Variants in GRIK2 observed in about 807,000 individuals in gnomAD.
GRIK2 encodes the protein glutamate ionotropic receptor kainate type subunit 2.
A neutral mutation model predicts 100.3 loss-of-function variants in GRIK2; 32 were observed. The ratio of observed to expected loss-of-function variants is 0.32; its 90% CI spans 0.24 to 0.43. The LOEUF is 0.43. Ranked by LOEUF, GRIK2 falls within the 20% of genes least tolerant of loss-of-function variation. The pLI, the probability that GRIK2 is intolerant of heterozygous loss-of-function variation, is 1.00. For synonymous variants in GRIK2, 417 were observed against 389.4 expected (o/e 1.07, Z -0.83); for missense variants, 843 against 1,114.9 (o/e 0.76, Z 3.47).
chr6:101,828,789 A>G (rs1225037165), intron 10 of GRIK2, among the ~76,000 whole-genome samples: 1 of 151,916 alleles, frequency 6.6e-6, no homozygotes, highest in East Asian at 1.9e-4. Flanking sequence ...GATCAACCCA[A>G]AAAGCTGTGG....
chr6:102,005,146 T>C (rs1795144582), intron 14 of GRIK2, among the ~76,000 whole-genome samples: 1 of 151,198 alleles, frequency 6.6e-6, no homozygotes, highest in South Asian at 2.1e-4. Flanking sequence ...GCAGTATATA[T>C]ATTATGTATA....
intron 2 of GRIK2, among the ~76,000 whole-genome samples, chr6:101,461,276 G>A (rs1771293948): frequency 6.6e-6 from 1 of 152,088 alleles, no homozygotes; most frequent in South Asian, 2.1e-4. Context: ...GTCTCACAGG[G>A]GTAAAATTAA....
chr6:101,415,168 T>G (rs1322273892), intron 2 of GRIK2, among the ~76,000 whole-genome samples: 2 of 152,090 alleles, frequency 1.3e-5, no homozygotes, highest in African/African-American at 4.8e-5. Context: ...ACAAATATTT[T>G]GGTTGATTTA....
At position 101,706,256 on chromosome 6, in the gene GRIK2, G is replaced by T. The variant is rs142726666; in HGVS notation, c.951+19903G>T. Among the ~76,000 whole-genome samples the T allele has an allele frequency of 2.4e-3, 359 of 151,876 alleles. 2 individuals are homozygous for T. Among genetic ancestry groups the T allele is most frequent in the African/African-American group, 8.2e-3 (340 of 41,470 alleles). On this transcript the variant is annotated intron_variant, in intron 7 of 16. Transcript: ENST00000369134. Reference sequence around the variant, plus strand: ...TAGTTTAAAAAAATTAAACCTTTTTGAATATGCTAGAGAATATTAACCAAT... The same window carrying T: ...TAGTTTAAAAAAATTAAACCTTTTTTAATATGCTAGAGAATATTAACCAAT...
At chr6:101,509,887 C>G (rs1774213009) in intron 2 of GRIK2, among the ~76,000 whole-genome samples, 2 of 152,034 alleles carry the variant, frequency 1.3e-5, no homozygotes. Flanking sequence ...CAGTCTCTTC[C>G]TCTCATCTAT....
chr6:101,583,047 A>G, intron 2 of GRIK2, among the ~76,000 whole-genome samples: 1 of 152,158 alleles, frequency 6.6e-6, no homozygotes, highest in Non-Finnish European at 1.5e-5. Flanking sequence ...GGCAAGGCCA[A>G]GGGAGGCATA....
chr6:101,524,866 G>T (rs1056723854), intron 2 of GRIK2, among the ~76,000 whole-genome samples: 1 of 151,870 alleles, frequency 6.6e-6, no homozygotes, highest in Non-Finnish European at 1.5e-5. Flanking sequence ...CGAGTAGCTG[G>T]GATTACAGGC....
chr6:101,794,037 G>C (rs151009893), intron 7 of GRIK2, among the ~76,000 whole-genome samples: 2 of 152,174 alleles, frequency 1.3e-5, no homozygotes, highest in South Asian at 4.1e-4. Flanking sequence ...TAATCTCCTG[G>C]TGCGCCATTT....
intron 1 of GRIK2, among the ~76,000 whole-genome samples, chr6:101,394,721 T>C (rs571173079): frequency 5.9e-5 from 9 of 152,336 alleles, no homozygotes; most frequent in Non-Finnish European, 1.0e-4. Context: ...TATTTCAATC[T>C]TGATTTGTCT....
intron 2 of GRIK2, among the ~76,000 whole-genome samples, chr6:101,443,468 A>G (rs1477573590): frequency 2.0e-5 from 3 of 152,164 alleles, no homozygotes; most frequent in African/African-American, 7.2e-5. Context: ...CAGTATTGTG[A>G]TGATTCATCA....
rs1793414272 is a variant in GRIK2, at chr6:101,976,911, G to C, written c.2085+48279G>C. ...CTTACTGAAGAGTGGGGGAATAGTG[G>C]AATAGTGGAATAGTGGAATGGAGGA... On this transcript the variant is annotated intron_variant, in intron 14 of 16. Coordinates refer to ENST00000369134, the MANE Select transcript of GRIK2 (RefSeq NM_021956.5). Among the ~76,000 whole-genome samples the C allele has an allele frequency of 2.0e-5, 3 of 151,928 alleles. No individual in the cohort carries two copies. The South Asian group carries it at 6.2e-4, about 32-fold the overall frequency.
At chr6:101,419,967 A>T (rs760230807) in intron 2 of GRIK2, among the ~76,000 whole-genome samples, 1 of 152,202 alleles carries the variant, frequency 6.6e-6, no homozygotes, top group East Asian at 1.9e-4. Flanking sequence ...TTCATCCCCA[A>T]ATAAAACACA....
At chr6:101,867,715 C>T (rs1277928505) in intron 11 of GRIK2, among the ~76,000 whole-genome samples, 2 of 151,292 alleles carry the variant, frequency 1.3e-5, no homozygotes, top group African/African-American at 4.9e-5. Flanking sequence ...TAAAGAATGT[C>T]TTCTCATGCA....
chr6:101,760,076 A>G (rs996502273), intron 7 of GRIK2, among the ~76,000 whole-genome samples: 2 of 143,874 alleles, frequency 1.4e-5, no homozygotes, highest in African/African-American at 5.3e-5. Context: ...TCACCTTGTT[A>G]GCCAGGATGG....
chr6:101,615,411 A>C (rs1779845656), intron 2 of GRIK2, among the ~76,000 whole-genome samples: 1 of 151,782 alleles, frequency 6.6e-6, no homozygotes, highest in South Asian at 2.1e-4. Context: ...ATTAGATGAT[A>C]ACTACACAGG....
At chr6:101,860,060 T>C (rs1467520271) in intron 11 of GRIK2, among the ~76,000 whole-genome samples, 1 of 152,116 alleles carries the variant, frequency 6.6e-6, no homozygotes, top group Non-Finnish European at 1.5e-5. Context: ...ACCTTCTTAT[T>C]CTCCATCCCT....
intron 14 of GRIK2, among the ~76,000 whole-genome samples, chr6:102,019,995 A>G (rs1769340463): frequency 6.6e-6 from 1 of 151,944 alleles, no homozygotes; most frequent in Non-Finnish European, 1.5e-5. Flanking sequence ...CATTTTTAAA[A>G]ATATTGTTTT....
At chr6:101,700,400 G>A (rs1391239732) in intron 7 of GRIK2, among the ~76,000 whole-genome samples, 1 of 151,954 alleles carries the variant, frequency 6.6e-6, no homozygotes, top group Non-Finnish European at 1.5e-5. Context: ...ATAGCATTTT[G>A]ATAAAAATAG....
chr6:101,469,834 G>C (rs902625778), intron 2 of GRIK2, among the ~76,000 whole-genome samples: 1 of 152,154 alleles, frequency 6.6e-6, no homozygotes, highest in African/African-American at 2.4e-5. Context: ...ACAGATGTTG[G>C]GGATTTAATC....
Sources: gnomAD v4.1 joint callset for allele counts (sites outside exome capture counted in the v4.1 genomes callset) on GRCh38, gnomAD v4.1.1 for gene constraint, MANE v1.5 for transcripts, NCBI Gene and HGNC (gene_info 2026-07-23, HGNC 2026-07-21) for gene names.